The following PDE1A variants were observed in gnomAD, a reference collection of about 807,000 sequenced individuals.
The protein encoded by PDE1A is phosphodiesterase 1A, also known as dual specificity calcium/calmodulin-dependent 3',5'-cyclic nucleotide phosphodiesterase 1A.
In PDE1A, 35 loss-of-function variants were observed where a neutral mutation model predicts 61.7. That is an observed-to-expected ratio of 0.57 (90% CI 0.43 to 0.75). The LOEUF is 0.75. Among genes scored for constraint, PDE1A ranks in the 30% least tolerant of loss-of-function variants. PDE1A has a pLI of 0.00. For missense variants in PDE1A, 597 were observed against 630.6 expected, an observed-to-expected ratio of 0.95 and a Z score of 0.57; for synonymous variants, 232 against 213.2, an observed-to-expected ratio of 1.09 and a Z score of -0.77.
chr2:182,443,741 T>A (rs1684949307), intron 2 of PDE1A, among the ~76,000 whole-genome samples: 1 of 150,884 alleles, frequency 6.6e-6, no homozygotes, highest in African/African-American at 2.4e-5. Context: ...TTCACTCTTG[T>A]TGCCCAGGCT....
At chr2:182,622,790 A>G in the PDE1A span, among the ~76,000 whole-genome samples, 5 of 152,158 alleles carry the variant, frequency 3.3e-5, no homozygotes, top group African/African-American at 9.7e-5. Flanking sequence ...GAAACACAAC[A>G]TAAGTATAGG....
At chr2:182,161,494 C>T (rs1005679445) in intron 13 of PDE1A, among the ~76,000 whole-genome samples, 3 of 152,108 alleles carry the variant, frequency 2.0e-5, no homozygotes, top group Non-Finnish European at 2.9e-5. Context: ...CACCCCCACC[C>T]ACAATGGTAT....
intron 13 of PDE1A, among the ~76,000 whole-genome samples, chr2:182,181,055 T>A (rs1684717239): frequency 6.6e-6 from 1 of 152,060 alleles, no homozygotes; most frequent in South Asian, 2.1e-4. Context: ...TCAGCAGAGT[T>A]TGTTATTACC....
chr2:182,422,564 G>A (rs1703346321), intron 1 of PDE1A, among the ~76,000 whole-genome samples: 1 of 152,078 alleles, frequency 6.6e-6, no homozygotes. Flanking sequence ...TTATCACAAG[G>A]GAATATAGAA....
At chr2:182,208,651 G>C (rs1331031296) in intron 7 of PDE1A, among the ~76,000 whole-genome samples, 2 of 152,220 alleles carry the variant, frequency 1.3e-5, no homozygotes, top group African/African-American at 4.8e-5. Context: ...AGCCATGGGG[G>C]CTGTACCCTG....
the PDE1A span, among the ~76,000 whole-genome samples, chr2:182,630,900 T>A: frequency 2.0e-5 from 3 of 152,138 alleles, no homozygotes; most frequent in East Asian, 5.8e-4. Flanking sequence ...TACTTCAATT[T>A]AATATTTATT....
the PDE1A span, among the ~76,000 whole-genome samples, chr2:182,693,133 AAAT>A: frequency 2.6e-5 from 4 of 152,228 alleles, no homozygotes; most frequent in South Asian, 6.2e-4. Flanking sequence ...TCAACAATTA[AAAT>A]AATTCCCTAG....
chr2:182,455,558 C>A (rs1057296951), intron 2 of PDE1A, among the ~76,000 whole-genome samples: 4 of 152,114 alleles, frequency 2.6e-5, no homozygotes, highest in Non-Finnish European at 5.9e-5. Context: ...ACATATACAC[C>A]ATGGAACACT....
At chr2:182,562,449 C>A in the PDE1A span, among the ~76,000 whole-genome samples, 1 of 150,280 alleles carries the variant, frequency 6.7e-6, no homozygotes, top group Admixed American at 6.7e-5. Flanking sequence ...TTGCTGGATT[C>A]GGTTTGCCAG....
At position 182,405,591 on chromosome 2, in the gene PDE1A, T is replaced by C. The variant is rs142486981; in HGVS notation, c.53+20987A>G. The stretch of plus-strand genomic sequence containing the variant: ...TCAAAAACTACACTCACCAAATCCT[T>C]GTGCCCTAAAAATTTTAAGAATAAA... On this transcript the variant is annotated intron_variant, in intron 1 of 13. Coordinates refer to ENST00000351439, the Ensembl canonical transcript of PDE1A. 1.6e-3 allele frequency among the ~76,000 whole-genome samples: 237 copies of C among 152,306 alleles called. 1 individual carries two copies. Among genetic ancestry groups the C allele is most frequent in the Middle Eastern group, 6.8e-3 (2 of 294 alleles).
intron 1 of PDE1A, among the ~76,000 whole-genome samples, chr2:182,385,647 G>A (rs886904970): frequency 7.6e-6 from 1 of 131,350 alleles, no homozygotes. Flanking sequence ...GAAGAAGAAA[G>A]AAAGAAAGAA....
At chr2:182,522,322 G>C (rs374693113) in exon 2 of PDE1A, 2 of 1,613,492 alleles carry the variant, frequency 1.2e-6, no homozygotes, top group African/African-American at 2.7e-5. Context: ...TCTCCTGTAA[G>C]ATACTTAAAA....
chr2:182,389,030 A>C (rs1333968121), intron 1 of PDE1A, among the ~76,000 whole-genome samples: 2 of 152,144 alleles, frequency 1.3e-5, no homozygotes, highest in Non-Finnish European at 2.9e-5. Flanking sequence ...ACTTCAAAAG[A>C]TTCATGGAAA....
chr2:182,656,743 T>A, the PDE1A span, among the ~76,000 whole-genome samples: 1 of 152,222 alleles, frequency 6.6e-6, no homozygotes, highest in Non-Finnish European at 1.5e-5. Flanking sequence ...TTTGAAAACT[T>A]TCCAATAGTT....
the PDE1A span, among the ~76,000 whole-genome samples, chr2:182,692,985 G>T: frequency 1.3e-5 from 2 of 151,974 alleles, no homozygotes; most frequent in East Asian, 3.9e-4. Flanking sequence ...AGCTACTTGG[G>T]AGGCTTAGGT....
chr2:182,700,449 C>T, the PDE1A span, among the ~76,000 whole-genome samples: 10 of 151,938 alleles, frequency 6.6e-5, no homozygotes, highest in African/African-American at 1.7e-4. Flanking sequence ...GATGGTGGGG[C>T]GCAGTGGTTC....
intron 13 of PDE1A, among the ~76,000 whole-genome samples, chr2:182,179,901 T>G (rs922506286): frequency 2.0e-5 from 3 of 152,272 alleles, no homozygotes; most frequent in Non-Finnish European, 4.4e-5. Context: ...GCTCTAGGAC[T>G]AGGGAGATGT....
chr2:182,303,916 T>TGTTTGTTG, intron 1 of PDE1A, among the ~76,000 whole-genome samples: 1 of 152,192 alleles, frequency 6.6e-6, no homozygotes, highest in East Asian at 1.9e-4. Context: ...TTTGTTTTTT[T>TGTTTGTTG]GTTGAGATGG....
intron 2 of PDE1A, among the ~76,000 whole-genome samples, chr2:182,436,609 T>A (rs1451172600): frequency 6.6e-6 from 1 of 152,096 alleles, no homozygotes; most frequent in East Asian, 1.9e-4. Context: ...GCTCTTTACA[T>A]GACCCAATGG....
Sources: allele counts gnomAD v4.1 joint callset (sites outside exome capture counted in the v4.1 genomes callset), GRCh38; gene constraint gnomAD v4.1.1; transcripts MANE v1.5; gene names NCBI Gene and HGNC (gene_info 2026-07-23, HGNC 2026-07-21).